The following OPA1 variants were observed in gnomAD, a reference collection of about 807,000 sequenced individuals.
The protein encoded by OPA1 is OPA1 mitochondrial dynamin like GTPase, also known as dynamin-like GTPase OPA1, mitochondrial.
In OPA1, 59 loss-of-function variants were observed where a neutral mutation model predicts 152.9. That is an observed-to-expected ratio of 0.39 (90% confidence interval 0.31 to 0.48). The LOEUF (loss-of-function observed/expected upper bound fraction) is 0.48, where lower values mean the gene tolerates loss of function less well. OPA1 is among the 20% of genes least tolerant of loss of function. OPA1 has a pLI of 0.96. For synonymous variants in OPA1, 400 were observed against 389.9 expected, an observed-to-expected ratio of 1.03 and a Z score of -0.31; for missense variants, 1,008 against 1,216.8, an observed-to-expected ratio of 0.83 and a Z score of 2.55.
intron 27 of OPA1, among the ~76,000 whole-genome samples, chr3:193,665,391 G>A (rs1314957351): frequency 6.6e-6 from 1 of 151,982 alleles, no homozygotes; most frequent in Non-Finnish European, 1.5e-5. Flanking sequence ...GAGAAAGTGT[G>A]TGTGTATCTG....
At chr3:193,610,279 A>G (rs544821778) in intron 1 of OPA1, among the ~76,000 whole-genome samples, 4 of 152,268 alleles carry the variant, frequency 2.6e-5, no homozygotes, top group African/African-American at 7.2e-5. Flanking sequence ...CTGCAGGTCT[A>G]TTGGAGTTTG....
intron 1 of OPA1, among the ~76,000 whole-genome samples, chr3:193,614,166 A>T (rs1728678117): frequency 6.6e-6 from 1 of 152,192 alleles, no homozygotes; most frequent in African/African-American, 2.4e-5. Context: ...GTTGGGATTG[A>T]TTAACTTCCT....
intron 10 of OPA1, among the ~76,000 whole-genome samples, chr3:193,637,482 A>G (rs1733133395): frequency 6.6e-6 from 1 of 151,848 alleles, no homozygotes; most frequent in Non-Finnish European, 1.5e-5. Flanking sequence ...ATAAATATTA[A>G]TAAATATAAG....
chr3:193,598,547 A>C (rs747147282), intron 1 of OPA1, among the ~76,000 whole-genome samples: 1 of 152,204 alleles, frequency 6.6e-6, no homozygotes, highest in Non-Finnish European at 1.5e-5. Context: ...AATAAGGCTC[A>C]TGTAGGGTTT....
chr3:193,633,388 C>G (rs917170891), intron 8 of OPA1, among the ~76,000 whole-genome samples: 1 of 152,184 alleles, frequency 6.6e-6, no homozygotes, highest in African/African-American at 2.4e-5. Flanking sequence ...AAATTGGCAT[C>G]TGTACCAAAA....
At chr3:193,674,453 G>A (rs1718559016) in intron 29 of OPA1, among the ~76,000 whole-genome samples, 1 of 152,188 alleles carries the variant, frequency 6.6e-6, no homozygotes. Flanking sequence ...CTAAAAGGGA[G>A]CAGCAGCAAG....
chr3:193,655,791 A>C (rs938402505), intron 22 of OPA1, among the ~76,000 whole-genome samples: 1 of 152,164 alleles, frequency 6.6e-6, no homozygotes, highest in Non-Finnish European at 1.5e-5. Context: ...ATCACCCCAT[A>C]AACAGCGATT....
rs931196487 is a variant in OPA1 at position 193,612,344 on chromosome 3, G to T, written c.33-2379G>T. Among the ~76,000 whole-genome samples the T allele has an allele frequency of 3.4e-5, 5 of 148,640 alleles. No individual in the cohort carries two copies. In the East Asian group the frequency reaches 9.9e-4, roughly 29 times the overall value. On this transcript the variant is annotated intron_variant, in intron 1 of 30. Transcript: ENST00000361510. ...TAACAAAAAGTTTAGTGGACTCAGA[G>T]TATGTAGGTAGAGATGGACAAAGAA... is the stretch of plus-strand genomic sequence containing the variant.
Position 193,593,366 on chromosome 3 carries a change from C to A in OPA1, c.-12C>A. ...GCCGTCTCGGCGCCTGCGTGACCTC[C>A]CCGCCGGCGGGATGTGGCGACTACG... On this transcript the variant is annotated 5_prime_UTR_variant, in exon 1 of 31. Transcript: ENST00000361510. 1 of 1,546,032 alleles carries A rather than the reference C, an allele frequency of 6.5e-7. No homozygotes were observed. Among genetic ancestry groups the A allele is most frequent in the Non-Finnish European group, 8.7e-7 (1 of 1,144,524 alleles).
chr3:193,644,107 T>TGA lies in OPA1; in HGVS notation c.1608+4_1608+5dup, dbSNP rs1266278843. ...AAAAATGTAGCCAGTCCAAGCAGGG[T>TGA]GAGGTCAAATTCTTTGTTGCGAGAA... On this transcript the variant is annotated splice_region_variant and intron_variant, in intron 16 of 30. Transcript: ENST00000361510. 1.9e-6 allele frequency: 3 copies of TGA among 1,613,342 alleles called. No individual in the cohort carries two copies. The South Asian group carries it at 3.3e-5, about 18-fold the overall frequency.
intron 6 of OPA1, among the ~76,000 whole-genome samples, chr3:193,621,447 C>G (rs2108906697): frequency 6.6e-6 from 1 of 152,270 alleles, no homozygotes; most frequent in Middle Eastern, 3.4e-3. Context: ...AGTTATAATA[C>G]CGGTCTTCAA....
chr3:193,653,236 A>T (rs898162076), intron 21 of OPA1, among the ~76,000 whole-genome samples: 1 of 152,170 alleles, frequency 6.6e-6, no homozygotes, highest in Admixed American at 6.5e-5. Context: ...TACTGGTTGT[A>T]ACTGGAAAGT....
intron 1 of OPA1, among the ~76,000 whole-genome samples, chr3:193,593,783 T>C (rs998315519): frequency 6.6e-6 from 1 of 152,086 alleles, no homozygotes; most frequent in Non-Finnish European, 1.5e-5. Flanking sequence ...GCTCTGTCCA[T>C]GAGTCACCTC....
At chr3:193,622,663 C>T (rs535213832) in intron 6 of OPA1, among the ~76,000 whole-genome samples, 1 of 152,282 alleles carries the variant, frequency 6.6e-6, no homozygotes, top group Admixed American at 6.5e-5. Context: ...ACCTTTGTAG[C>T]TCCATTAATT....
intron 20 of OPA1, chr3:193,648,593 A>G (rs1444243683): frequency 1.9e-6 from 1 of 515,472 alleles, no homozygotes; most frequent in Non-Finnish European, 3.5e-6. Flanking sequence ...GAGAAGGTAG[A>G]TATTTATGTC....
intron 21 of OPA1, 96 bp downstream of exon 21, chr3:193,648,967 T>C: frequency 1.1e-6 from 1 of 920,148 alleles, no homozygotes. Flanking sequence ...TGATTTATTG[T>C]TGCCTTGGCT....
intron 11 of OPA1, among the ~76,000 whole-genome samples, chr3:193,642,371 T>C (rs996315198): frequency 7.2e-5 from 11 of 152,344 alleles, no homozygotes; most frequent in East Asian, 3.9e-4. Context: ...AATGAATGAA[T>C]TGTCCTTTAC....
chr3:193,609,147 C>G (rs570902167), intron 1 of OPA1, among the ~76,000 whole-genome samples: 1 of 152,186 alleles, frequency 6.6e-6, no homozygotes, highest in South Asian at 2.1e-4. Flanking sequence ...TGGGTCTTGA[C>G]TCTTTATCCA....
At chr3:193,684,743 G>A (rs1323401679) in intron 29 of OPA1, among the ~76,000 whole-genome samples, 2 of 151,978 alleles carry the variant, frequency 1.3e-5, no homozygotes, top group African/African-American at 2.4e-5. Flanking sequence ...GAGCCACTGC[G>A]CCCAGCCAAG....
Sources: allele counts gnomAD v4.1 joint callset (sites outside exome capture counted in the v4.1 genomes callset), GRCh38; gene constraint gnomAD v4.1.1; transcripts MANE v1.5; gene names NCBI Gene and HGNC (gene_info 2026-07-23, HGNC 2026-07-21).